The following CYP3A4 variants were observed in gnomAD, a reference collection of about 807,000 sequenced individuals.
CYP3A4 encodes cytochrome P450 family 3 subfamily A member 4.
A neutral mutation model predicts 54.9 loss-of-function variants in CYP3A4; 41 were observed. The ratio of observed to expected loss-of-function variants is 0.75; its 90% CI spans 0.58 to 0.97. The LOEUF (loss-of-function observed/expected upper bound fraction) is 0.97. Ranked by LOEUF, CYP3A4 falls within the 50% of genes least tolerant of loss-of-function variation. The pLI, the probability that CYP3A4 is intolerant of heterozygous loss-of-function variation, is 0.00. For synonymous variants in CYP3A4, 179 were observed against 205.2 expected (o/e 0.87, Z 1.09); for missense variants, 510 against 597.3 (o/e 0.85, Z 1.52).
At position 99,762,032 on chromosome 7, in the gene CYP3A4, G is replaced by A. The variant is rs35723517; in HGVS notation, c.1253+9C>T. Reference sequence around the variant, plus strand: ...TTCAGGGAGGGCTCCCTTCCCAGGGGCCTTGTACCTTTCAGGGAGGAACTT... The same window carrying A: ...TTCAGGGAGGGCTCCCTTCCCAGGGACCTTGTACCTTTCAGGGAGGAACTT... On this transcript the variant is annotated intron_variant, in intron 11 of 12. Coordinates refer to ENST00000651514, the MANE Select transcript of CYP3A4 (RefSeq NM_017460.6). 2.1e-3 allele frequency: 3,329 copies of A among 1,613,518 alleles called. 7 individuals carry two copies. Among genetic ancestry groups the A allele is most frequent in the Non-Finnish European group, 2.6e-3 (3,090 of 1,179,484 alleles).
chr7:99,762,286 A>C lies in CYP3A4; in HGVS notation c.1027-19T>G, dbSNP rs776827032. 4 of 1,612,414 alleles carry C rather than the reference A, an allele frequency of 2.5e-6. No individual in the cohort carries two copies. The highest frequency in any genetic ancestry group is 3.4e-6 in the Non-Finnish European group (4 of 1,179,104). On this transcript the variant is annotated intron_variant, in intron 10 of 12. Coordinates refer to ENST00000651514, the MANE Select transcript of CYP3A4 (RefSeq NM_017460.6). ...GTGGTGCCTGGAAAGAACGAAACAG[A>C]TTTGGATAAATTGAGATTTTGAATT...
chr7:99,765,636 A>G (rs554986598), intron 9 of CYP3A4, among the ~76,000 whole-genome samples: 3 of 152,314 alleles, frequency 2.0e-5, no homozygotes, highest in African/African-American at 7.2e-5. Context: ...TTAAATATTC[A>G]GGAATTTTGT....
chr7:99,783,292 T>C (rs1289965737), intron 1 of CYP3A4, among the ~76,000 whole-genome samples: 1 of 152,038 alleles, frequency 6.6e-6, no homozygotes, highest in Non-Finnish European at 1.5e-5. Context: ...ATCCCACCAG[T>C]GAGAGGATTC....
chr7:99,759,881 C>G (rs1178510087), intron 12 of CYP3A4, among the ~76,000 whole-genome samples: 5 of 151,902 alleles, frequency 3.3e-5, no homozygotes, highest in Non-Finnish European at 7.4e-5. Flanking sequence ...GTCACCCAGG[C>G]TGGAGTGCAG....
intron 6 of CYP3A4, chr7:99,769,487 C>A: frequency 4.8e-6 from 2 of 418,124 alleles, no homozygotes; most frequent in South Asian, 4.8e-5. Flanking sequence ...ACACTTTTTC[C>A]CCCTAAAGGA....
At chr7:99,772,910 G>A (rs1815670419) in intron 3 of CYP3A4, among the ~76,000 whole-genome samples, 1 of 152,074 alleles carries the variant, frequency 6.6e-6, no homozygotes, top group African/African-American at 2.4e-5. Flanking sequence ...GGCCAAACAA[G>A]GAAGAGACAT....
At chr7:99,780,172 G>A (rs752020625) in intron 1 of CYP3A4, 87 bp from the exon 2 acceptor site, 143 of 1,334,132 alleles carry the variant, frequency 1.1e-4, no homozygotes, top group Non-Finnish European at 1.4e-4. Flanking sequence ...GAACTGGAAT[G>A]CTCAAGAGAA....
intron 3 of CYP3A4, among the ~76,000 whole-genome samples, chr7:99,773,265 C>T (rs1385389710): frequency 6.6e-6 from 1 of 152,132 alleles, no homozygotes; most frequent in Non-Finnish European, 1.5e-5. Context: ...TAACACCCCA[C>T]TGTCAATATT....
intron 12 of CYP3A4, among the ~76,000 whole-genome samples, chr7:99,759,333 A>G (rs1815257306): frequency 6.6e-6 from 1 of 152,204 alleles, no homozygotes. Flanking sequence ...AATATTTCAA[A>G]TCTTTCTATA....
At position 99,784,012 on chromosome 7, in the gene CYP3A4, G is replaced by A. The variant is rs1234635599; in HGVS notation, c.70C>T (p.Leu24=). The part of the protein sequence containing the change: ...LLAVSLVLLY[L]YGTHSHGLFK... ...AGAGGAGCCTGGACAGTTACTCACA[G>A]ATAGAGGAGCACCAGGCTGACAGCC... Residue 24 remains leucine, a splice_region_variant and synonymous_variant, in exon 1 of 13, where the codon CTA becomes TTA. Coordinates refer to ENST00000651514, the MANE Select transcript of CYP3A4 (RefSeq NM_017460.6). 11 of 1,613,764 alleles carry A rather than the reference G, an allele frequency of 6.8e-6. No homozygotes were observed. Among genetic ancestry groups the A allele is most frequent in the Non-Finnish European group, 7.6e-6 (9 of 1,179,776 alleles).
At chr7:99,770,063 C>T (rs987428406) in intron 5 of CYP3A4, 59 bp downstream of exon 5, 23 of 1,563,088 alleles carry the variant, frequency 1.5e-5, no homozygotes, top group Non-Finnish European at 1.9e-5. Flanking sequence ...TTATTTTATA[C>T]CTGTCCCCAC....
At chr7:99,783,606 C>CTTTTTTTT (rs11432957) in intron 1 of CYP3A4, among the ~76,000 whole-genome samples, 3 of 103,824 alleles carry the variant, frequency 2.9e-5, no homozygotes, top group Non-Finnish European at 3.7e-5. Flanking sequence ...CCTTGAACAT[C>CTTTTTTTT]TTTTTTTTTT....
At chr7:99,762,690 A>G (rs545945562) in intron 10 of CYP3A4, among the ~76,000 whole-genome samples, 165 of 152,282 alleles carry the variant, frequency 1.1e-3, no homozygotes, top group African/African-American at 3.8e-3. Flanking sequence ...TTGAGGATAA[A>G]CTAGTCCCTT....
Position 99,763,968 on chromosome 7 carries a change from C to A in CYP3A4, c.913G>T (p.Ala305Ser), listed in dbSNP as rs71581996. ...LVAQSIIFIFAGYETTSSVLS... is the reference protein window; with the variant it reads ...LVAQSIIFIFSGYETTSSVLS... ...ACACTGCTCGTGGTTTCATAGCCAG[C>A]AAAAATAAAGATAATTGATTGGGCC... The change falls in exon 10 of 13, where the codon GCT (alanine) becomes TCT (serine). Residue 305 changes from alanine to serine, a missense_variant. Transcript: ENST00000651514. 29 of 1,613,696 alleles carry A rather than the reference C, an allele frequency of 1.8e-5. No homozygotes were observed. The highest frequency in any genetic ancestry group is 2.7e-5 in the African/African-American group (2 of 74,840).
intron 12 of CYP3A4, 94 bp from the exon 13 acceptor site, chr7:99,758,322 G>C (rs1313778659): frequency 1.6e-5 from 23 of 1,398,142 alleles, no homozygotes; most frequent in Non-Finnish European, 2.3e-5. Context: ...TCAGTGTTGA[G>C]GGGACACAAC....
intron 2 of CYP3A4, among the ~76,000 whole-genome samples, chr7:99,779,239 C>A (rs992110522): frequency 4.0e-5 from 6 of 151,632 alleles, no homozygotes; most frequent in African/African-American, 7.3e-5. Context: ...AAAAAAAAAA[C>A]CCCACAAACT....
chr7:99,777,147 G>T (rs1353578855), intron 3 of CYP3A4, among the ~76,000 whole-genome samples: 1 of 152,060 alleles, frequency 6.6e-6, no homozygotes, highest in Non-Finnish European at 1.5e-5. Flanking sequence ...AAGAGTTTTG[G>T]CTTTTAATTG....
Position 99,758,172 on chromosome 7 carries a change from T to A in CYP3A4, c.1473A>T (p.Leu491=). The change falls in exon 13 of 13, where the codon CTA becomes CTT. Residue 491 remains leucine (L), a synonymous_variant. Coordinates refer to ENST00000651514, the MANE Select transcript of CYP3A4 (RefSeq NM_017460.6). ...GLLQPEKPVV[L]KVESRDGTVS... The stretch of plus-strand genomic sequence containing the variant: ...CGGTGCCATCCCTTGACTCAACCTT[T>A]AGAACAACGGGTTTTTCTGGTTGAA... 2 of 1,614,056 alleles carry A rather than the reference T, an allele frequency of 1.2e-6. No individual in the cohort carries two copies.
rs565580106 is a variant in CYP3A4, at chr7:99,768,355, T to C, written c.669A>G (p.Ile223Met). 6.2e-7 allele frequency: 1 copy of C among 1,613,554 alleles called. No homozygotes were observed. Among genetic ancestry groups the C allele is most frequent in the African/African-American group, 1.3e-5 (1 of 75,018 alleles). Residue 223 changes from isoleucine (I) to methionine (M), a missense_variant and splice_region_variant, in exon 7 of 13, where the codon ATA becomes ATG. Around this residue, in one of 2 missense-constraint regions of CYP3A4, gnomAD observed 272 missense variants for 274.9 expected, o/e 0.99. Transcript: ENST00000651514. Reference protein sequence around the residue: ...FDFLDPFFLSITVFPFLIPIL... With the variant: ...FDFLDPFFLSMTVFPFLIPIL... ...AAAAGGAAATAGTAGTCCACATACT[T>C]ATTGAGAGAAAGAATGGATCCAAAA...
Sources: gnomAD v4.1 joint callset for allele counts (sites outside exome capture counted in the v4.1 genomes callset) on GRCh38, gnomAD v4.1.1 for gene constraint, gnomAD v4.1.1 regional missense constraint, MANE v1.5 for transcripts, NCBI Gene and HGNC (gene_info 2026-07-23, HGNC 2026-07-21) for gene names.